The following UPP1 variants were observed in gnomAD, a reference collection of about 807,000 sequenced individuals.
UPP1 encodes uridine phosphorylase 1.
Under a neutral mutation model 29.6 loss-of-function variants are expected in UPP1, and 25 were observed. The ratio of observed to expected loss-of-function variants is 0.85; its 90% CI spans 0.62 to 1.18. The LOEUF (loss-of-function observed/expected upper bound fraction) is 1.18. Ranked by LOEUF, UPP1 falls within the 50% of genes most tolerant of loss-of-function variation. The pLI, the probability that UPP1 is intolerant of heterozygous loss-of-function variation, is 0.00. For missense variants in UPP1, 368 were observed against 410.4 expected (o/e 0.90, Z 0.89); for synonymous variants, 165 against 159.8 (o/e 1.03, Z -0.25).
intron 4 of UPP1, among the ~76,000 whole-genome samples, chr7:48,100,497 T>C (rs1034936740): frequency 2.0e-5 from 3 of 152,228 alleles, no homozygotes; most frequent in South Asian, 2.1e-4. Context: ...CATATTGATA[T>C]TCTGTTTAGT....
intron 6 of UPP1, chr7:48,106,481 T>G: frequency 5.0e-6 from 1 of 198,652 alleles, no homozygotes; most frequent in Non-Finnish European, 1.1e-5. Context: ...TGGCTAATTT[T>G]TGTATTTTTA....
At chr7:48,096,049 C>T (rs1261901484) in intron 3 of UPP1, among the ~76,000 whole-genome samples, 1 of 152,204 alleles carries the variant, frequency 6.6e-6, no homozygotes, top group Admixed American at 6.5e-5. Flanking sequence ...CCTCCTTCCT[C>T]CTCCTGCCAT....
chr7:48,093,923 G>T (rs528799127), intron 2 of UPP1, among the ~76,000 whole-genome samples: 1 of 152,338 alleles, frequency 6.6e-6, no homozygotes, highest in East Asian at 1.9e-4. Context: ...ACTTTGGGAG[G>T]CCGAGGCTGG....
At chr7:48,093,359 T>G (rs897593770) in intron 2 of UPP1, among the ~76,000 whole-genome samples, 4 of 152,350 alleles carry the variant, frequency 2.6e-5, no homozygotes, top group Non-Finnish European at 5.9e-5. Context: ...AACCGTGTGG[T>G]GGAAACAACT....
intron 2 of UPP1, among the ~76,000 whole-genome samples, chr7:48,091,274 C>A (rs1252529685): frequency 2.1e-5 from 3 of 143,632 alleles, no homozygotes; most frequent in Admixed American, 7.1e-5. Context: ...AAAAAAAAAT[C>A]AAAAACATCT....
At position 48,094,780 on chromosome 7, in the gene UPP1, C is replaced by T. The variant is rs548488526; in HGVS notation, c.-4C>T. 35 of 1,613,188 alleles carry T rather than the reference C, an allele frequency of 2.2e-5. No individual in the cohort carries two copies. Among genetic ancestry groups the T allele is most frequent in the South Asian group, 1.8e-4 (16 of 91,056 alleles). On this transcript the variant is annotated 5_prime_UTR_variant, in exon 3 of 9. Coordinates refer to ENST00000395564, the MANE Select transcript of UPP1 (RefSeq NM_003364.4). ...TTCCTTAGGGTCCTGCCTCAGTTGGCGGAATGGCGGCCACGGGAGCCAATG... is the reference window on the plus strand; with the variant it reads ...TTCCTTAGGGTCCTGCCTCAGTTGGTGGAATGGCGGCCACGGGAGCCAATG...
intron 7 of UPP1, 109 bp from the exon 8 acceptor site, chr7:48,107,252 C>A (rs1792806977): frequency 2.1e-6 from 3 of 1,458,350 alleles, no homozygotes; most frequent in Non-Finnish European, 2.8e-6. Flanking sequence ...ATAGGCAGGA[C>A]CTGGATGGGT....
chr7:48,094,723 CT>C, intron 2 of UPP1, 39 bp from the exon 3 acceptor site: 1 of 1,598,530 alleles, frequency 6.3e-7, no homozygotes, highest in South Asian at 1.1e-5. Flanking sequence ...TTGGTTTCTA[CT>C]GAGTGGATTC....
upstream of UPP1, chr7:48,088,833 GACC>G (rs1257562884): frequency 6.6e-6 from 1 of 152,410 alleles, no homozygotes; most frequent in Non-Finnish European, 1.5e-5. Flanking sequence ...CAGACAGACA[GACC>G]GGGGATCCTG....
In UPP1 at chr7:48,103,367, G is replaced by T. The variant is rs1391545579; in HGVS notation, c.392G>T (p.Cys131Phe). 1 of 1,614,014 alleles carries T rather than the reference G, an allele frequency of 6.2e-7. No homozygotes were observed. Among genetic ancestry groups the T allele is most frequent in the Non-Finnish European group, 8.5e-7 (1 of 1,179,916 alleles). ...ATAAAGCTGCTGTACTATGCCCGGTGCTCCAACGTCACTATCATCCGCATT... is the reference window on the plus strand; with the variant it reads ...ATAAAGCTGCTGTACTATGCCCGGTTCTCCAACGTCACTATCATCCGCATT... ...ELIKLLYYAR[C>F]SNVTIIRIGT... Residue 131 changes from cysteine (C) to phenylalanine (F), a missense_variant, in exon 6 of 9, where the codon TGC becomes TTC. Physicochemically the swap from Cys to Phe is radical, Grantham distance 205 (BLOSUM62 -2). Coordinates refer to ENST00000395564, the MANE Select transcript of UPP1 (RefSeq NM_003364.4).
chr7:48,095,330 A>AC (rs934389930), intron 3 of UPP1, among the ~76,000 whole-genome samples: 3 of 150,176 alleles, frequency 2.0e-5, no homozygotes, highest in South Asian at 4.2e-4. Flanking sequence ...TTATTTTCTC[A>AC]CCCCCCCAGT....
At chr7:48,106,655 A>C in intron 6 of UPP1, 4 of 521,598 alleles carry the variant, frequency 7.7e-6, no homozygotes, top group South Asian at 2.1e-5. Flanking sequence ...AGTGTCCATA[A>C]TGATCATGCA....
At chr7:48,107,756 G>T (rs993146206) in intron 8 of UPP1, among the ~76,000 whole-genome samples, 2 of 152,152 alleles carry the variant, frequency 1.3e-5, no homozygotes, top group African/African-American at 4.8e-5. Flanking sequence ...AAAAGCTTTT[G>T]CTGCCCCATG....
In UPP1 at chr7:48,107,505, A is replaced by G. The variant is rs1179789598; in HGVS notation, c.791A>G (p.Gln264Arg). 1.2e-6 allele frequency: 2 copies of G among 1,604,828 alleles called. No individual in the cohort carries two copies. The highest frequency in any genetic ancestry group is 1.7e-6 in the Non-Finnish European group (2 of 1,173,152). Residue 264 changes from glutamine (Q) to arginine (R), a missense_variant and splice_region_variant, in exon 8 of 9, where the codon CAA becomes CGA. Coordinates refer to ENST00000395564, the MANE Select transcript of UPP1 (RefSeq NM_003364.4). ...FAAMCSACGL[Q>R]AAVVCVTLLN... ...GCCATGTGCAGCGCCTGCGGCCTCC[A>G]AGGTAAGCGGCACTTGATGGGCCTC...
intron 2 of UPP1, among the ~76,000 whole-genome samples, chr7:48,091,350 C>T (rs1791823192): frequency 6.7e-6 from 1 of 149,022 alleles, no homozygotes; most frequent in Admixed American, 6.7e-5. Context: ...CCCAGGTGAT[C>T]ACCGAAAAGA....
intron 4 of UPP1, among the ~76,000 whole-genome samples, chr7:48,100,773 A>G (rs1792376730): frequency 1.3e-5 from 2 of 152,252 alleles, no homozygotes; most frequent in Admixed American, 1.3e-4. Flanking sequence ...ATGGTGGACA[A>G]CTTCCCATGT....
At chr7:48,102,028 C>A (rs1792455015) in intron 5 of UPP1, 46 bp downstream of exon 5, 1 of 1,585,652 alleles carries the variant, frequency 6.3e-7, no homozygotes, top group East Asian at 2.3e-5. Flanking sequence ...GCTCTGCAAC[C>A]CCCTGTGCCC....
intron 3 of UPP1, among the ~76,000 whole-genome samples, chr7:48,095,638 C>T (rs951497824): frequency 2.6e-5 from 4 of 152,080 alleles, no homozygotes; most frequent in African/African-American, 9.7e-5. Context: ...TGTGGACATT[C>T]CCTGCAGTGA....
chr7:48,101,343 G>T (rs1792409571), intron 4 of UPP1, among the ~76,000 whole-genome samples: 1 of 152,042 alleles, frequency 6.6e-6, no homozygotes, highest in African/African-American at 2.4e-5. Context: ...CACTTCCTGA[G>T]CCTCCTCTAG....
Sources: gnomAD v4.1 joint callset for allele counts (sites outside exome capture counted in the v4.1 genomes callset) on GRCh38, gnomAD v4.1.1 for gene constraint, MANE v1.5 for transcripts, NCBI Gene and HGNC (gene_info 2026-07-23, HGNC 2026-07-21) for gene names.